Variants in TMEM212 observed in about 807,000 individuals in gnomAD.
TMEM212 encodes the protein transmembrane protein 212.
A neutral mutation model predicts 20.5 loss-of-function variants in TMEM212; 23 were observed. The observed-to-expected ratio is 1.12, with a 90% CI of 0.81 to 1.59. The LOEUF (loss-of-function observed/expected upper bound fraction) is 1.59, where lower values mean the gene tolerates loss of function less well. TMEM212 is among the 40% of genes most tolerant of loss of function. TMEM212 has a pLI of 0.00. For synonymous variants in TMEM212, 76 were observed against 81.6 expected, an observed-to-expected ratio of 0.93 and a Z score of 0.37; for missense variants, 211 against 215.0, an observed-to-expected ratio of 0.98 and a Z score of 0.12.
At chr3:171,850,504 T>C (rs1379322894) in intron 1 of TMEM212, among the ~76,000 whole-genome samples, 1 of 152,224 alleles carries the variant, frequency 6.6e-6, no homozygotes, top group Non-Finnish European at 1.5e-5. Flanking sequence ...CAGAGGGGCG[T>C]GAGCCTGTCT....
At chr3:171,846,615 T>G (rs1560324918) in intron 1 of TMEM212, among the ~76,000 whole-genome samples, 1 of 152,252 alleles carries the variant, frequency 6.6e-6, no homozygotes. Context: ...ACAGAATTTC[T>G]TATACAGTTG....
intron 4 of TMEM212, 23 bp downstream of exon 4, chr3:171,856,730 A>C: frequency 1.5e-6 from 1 of 657,914 alleles, no homozygotes; most frequent in Admixed American, 2.3e-5. Flanking sequence ...GGGGATAGAA[A>C]AGGCCTGGGA....
chr3:171,853,969 G>C (rs753812239), intron 3 of TMEM212, 119 bp downstream of exon 3: 10 of 756,500 alleles, frequency 1.3e-5, no homozygotes, highest in Non-Finnish European at 2.1e-5. Flanking sequence ...ATATGCTTTT[G>C]ATATCCAGGT....
chr3:171,855,881 A>AT (rs1351025185), intron 3 of TMEM212, among the ~76,000 whole-genome samples: 1 of 152,222 alleles, frequency 6.6e-6, no homozygotes, highest in African/African-American at 2.4e-5. Flanking sequence ...CATAAAATAC[A>AT]TTTTTGGTAA....
Position 171,852,386 on chromosome 3 carries a change from A to G in TMEM212, c.219+345A>G, listed in dbSNP as rs536596519. On this transcript the variant is annotated intron_variant, in intron 2 of 4. Transcript: ENST00000334567. ...CAGCTAATTTTTGTATTTCTAGTAA[A>G]GACAGGGTTTCGCCATGTTGGCCAG... Among the ~76,000 whole-genome samples, 8 of 152,234 alleles carry G rather than the reference A, an allele frequency of 5.3e-5. No homozygotes were observed. In the East Asian group the frequency reaches 1.5e-3, roughly 29 times the overall value.
chr3:171,849,201 T>C (rs1724912015), intron 1 of TMEM212, among the ~76,000 whole-genome samples: 2 of 152,066 alleles, frequency 1.3e-5, no homozygotes, highest in Admixed American at 6.6e-5. Flanking sequence ...TCACCTCCCA[T>C]TGAAATCACA....
chr3:171,856,551 A>T, intron 3 of TMEM212, 112 bp from the exon 4 acceptor site: 1 of 514,200 alleles, frequency 1.9e-6, no homozygotes, highest in South Asian at 3.1e-5. Flanking sequence ...TAGCCAGGTC[A>T]TGGTAAATTT....
At position 171,853,556 on chromosome 3, in the gene TMEM212, G is replaced by A; in HGVS notation, c.249G>A (p.Leu83=). The A allele has an allele frequency of 3.9e-6, 6 of 1,536,972 alleles. No homozygotes were observed. The African/African-American group carries it at 6.8e-5, about 18-fold the overall frequency. Residue 83 remains leucine, a synonymous_variant, in exon 3 of 5, where the codon CTG becomes CTA. Coordinates refer to ENST00000334567, the MANE Select transcript of TMEM212 (RefSeq NM_001164436.2). The part of the protein sequence containing the change: ...LGEATFTFVI[L]SIMGCPLHFA... ...AAGCTACTTTCACCTTTGTGATTCTGAGCATTATGGGATGTCCACTTCATT... is the reference window on the plus strand; with the variant it reads ...AAGCTACTTTCACCTTTGTGATTCTAAGCATTATGGGATGTCCACTTCATT...
At chr3:171,847,843 G>C (rs550814960) in intron 1 of TMEM212, among the ~76,000 whole-genome samples, 1 of 151,708 alleles carries the variant, frequency 6.6e-6, no homozygotes, top group African/African-American at 2.4e-5. Context: ...ATTGAGACTA[G>C]GGGGGGTTCT....
At chr3:171,846,948 C>T (rs1724847894) in intron 1 of TMEM212, among the ~76,000 whole-genome samples, 1 of 152,198 alleles carries the variant, frequency 6.6e-6, no homozygotes, top group Non-Finnish European at 1.5e-5. Flanking sequence ...TTACAGATGA[C>T]TCCATATTTC....
chr3:171,848,066 C>A (rs1291813522), intron 1 of TMEM212, among the ~76,000 whole-genome samples: 1 of 152,182 alleles, frequency 6.6e-6, no homozygotes, highest in East Asian at 1.9e-4. Context: ...TCACCAAAAC[C>A]ATTTTTTTTC....
chr3:171,844,803 C>T, intron 1 of TMEM212, among the ~76,000 whole-genome samples: 1 of 152,094 alleles, frequency 6.6e-6, no homozygotes, highest in Non-Finnish European at 1.5e-5. Flanking sequence ...AAAAACTAGA[C>T]CTCAGGAAAT....
rs1173653852 is a variant in TMEM212, at chr3:171,853,891, T to A, written c.543+41T>A. 8 of 1,452,910 alleles carry A rather than the reference T, an allele frequency of 5.5e-6. No homozygotes were observed. The Admixed American group carries it at 1.7e-4, about 31-fold the overall frequency. The allele number at this position is 1,452,910 out of a possible 1,614,324, so 90.0% of individuals were successfully genotyped here. On this transcript the variant is annotated intron_variant, in intron 3 of 4. Coordinates refer to ENST00000334567, the MANE Select transcript of TMEM212 (RefSeq NM_001164436.2). ...GGGGAGGCAGGTTCTTGTTCCATCT[T>A]GTATGCTAAAATGGAAAGTCTGGTA...
Position 171,843,511 on chromosome 3 carries a change from G to T in TMEM212, c.128G>T (p.Arg43Leu). 9.8e-6 allele frequency: 15 copies of T among 1,536,226 alleles called. No homozygotes were observed. The highest frequency in any genetic ancestry group is 1.3e-5 in the Non-Finnish European group (15 of 1,146,410). Residue 43 changes from arginine (R) to leucine (L), a missense_variant, in exon 1 of 5, where the codon CGA becomes CTA. Arg to Leu is a moderately radical substitution (Grantham distance 102). Coordinates refer to ENST00000334567, the MANE Select transcript of TMEM212 (RefSeq NM_001164436.2). Reference sequence around the variant, plus strand: ...CCTTGGTTCACAGGATGGAGTGTTCGAATTGCTTGTCCTATCTGGAATGGA... The same window carrying T: ...CCTTGGTTCACAGGATGGAGTGTTCTAATTGCTTGTCCTATCTGGAATGGA... ...YKPWFTGWSV[R>L]IACPIWNGAL...
chr3:171,847,603 G>A (rs952264764), intron 1 of TMEM212, among the ~76,000 whole-genome samples: 1 of 152,168 alleles, frequency 6.6e-6, no homozygotes, highest in Non-Finnish European at 1.5e-5. Flanking sequence ...TATAGAACAA[G>A]GTTCTAGTCC....
chr3:171,848,349 C>T (rs1724885331), intron 1 of TMEM212, among the ~76,000 whole-genome samples: 1 of 152,152 alleles, frequency 6.6e-6, no homozygotes, highest in Non-Finnish European at 1.5e-5. Flanking sequence ...CAACCCTACT[C>T]TAATCAGTTG....
rs1725172949 is a variant in TMEM212 at position 171,858,684 on chromosome 3, G to C, written c.*627G>C. On this transcript the variant is annotated 3_prime_UTR_variant, in exon 5 of 5. Transcript: ENST00000334567. Reference sequence around the variant, plus strand: ...TTTCAATCTACCCATCTGACAAACAGCTAATATCCAGAATCTACAAAGAAC... The same window carrying C: ...TTTCAATCTACCCATCTGACAAACACCTAATATCCAGAATCTACAAAGAAC... The C allele has an allele frequency of 6.6e-6, 1 of 151,352 alleles. No homozygotes were observed. The highest frequency in any genetic ancestry group is 2.1e-4 in the South Asian group (1 of 4,822). The allele number at this position is 151,352 out of a possible 1,614,324, so 9.4% of individuals were successfully genotyped here. A position where few individuals can be genotyped will look rare whatever the true frequency, so the allele number is the denominator to read the frequency against.
rs1035931481 is a variant in TMEM212, at chr3:171,858,410, T to A, written c.*353T>A. 1 of 151,906 alleles carries A rather than the reference T, an allele frequency of 6.6e-6. No individual in the cohort carries two copies. The highest frequency in any genetic ancestry group is 2.1e-4 in the South Asian group (1 of 4,816). 9.4% of individuals were successfully genotyped at this position (151,906 alleles called of 1,614,324 possible). A position where few individuals can be genotyped will look rare whatever the true frequency, so the allele number is the denominator to read the frequency against. The stretch of plus-strand genomic sequence containing the variant: ...CTGGATCCCTTCCTTACACCTTATA[T>A]AAAAATTAACTCAAGATGGATTAAA... On this transcript the variant is annotated 3_prime_UTR_variant, in exon 5 of 5. Transcript: ENST00000334567.
At chr3:171,845,170 T>C (rs1261899402) in intron 1 of TMEM212, among the ~76,000 whole-genome samples, 1 of 152,188 alleles carries the variant, frequency 6.6e-6, no homozygotes, top group East Asian at 1.9e-4. Context: ...GTTACACTTA[T>C]TCAAGTGGCT....
Sources: allele counts gnomAD v4.1 joint callset (sites outside exome capture counted in the v4.1 genomes callset), GRCh38; gene constraint gnomAD v4.1.1; transcripts MANE v1.5; gene names NCBI Gene and HGNC (gene_info 2026-07-23, HGNC 2026-07-21).